Variants in MPP4 observed in about 807,000 individuals in gnomAD.
The protein encoded by MPP4 is MAGUK p55 scaffold protein 4.
Under a neutral mutation model 98.3 loss-of-function variants are expected in MPP4, and 91 were observed. That is an observed-to-expected ratio of 0.93 (90% CI 0.78 to 1.10). The LOEUF (loss-of-function observed/expected upper bound fraction) is 1.10. Ranked by LOEUF, MPP4 falls within the 50% of genes least tolerant of loss-of-function variation. The probability of loss-of-function intolerance (pLI) is 0.00; values close to 1 mark genes in which losing one functional copy is unlikely to be tolerated. For synonymous variants in MPP4, 261 were observed against 271.8 expected, an observed-to-expected ratio of 0.96 and a Z score of 0.39; for missense variants, 744 against 792.9, an observed-to-expected ratio of 0.94 and a Z score of 0.74.
Position 201,656,347 on chromosome 2 carries a change from C to G in MPP4, c.1151G>C (p.Arg384Pro), listed in dbSNP as rs746059241. 2.6e-6 allele frequency: 4 copies of G among 1,552,572 alleles called. No homozygotes were observed. In the African/African-American group the frequency reaches 4.1e-5, roughly 16 times the overall value. The change falls in exon 17 of 22, where the codon CGC (arginine) becomes CCC (proline). Residue 384 changes from arginine (R) to proline (P), a missense_variant. By Grantham distance (103) the Arg-to-Pro change is moderately radical. Coordinates refer to ENST00000409474, the MANE Select transcript of MPP4 (RefSeq NM_033066.3). ...FFIAGFRRSM[R>P]LCRRKSHLSP... ...GAGGTGAGACTTCCTGCGACAAAGG[C>G]GCATGCTGCGGCGGAAGCCAGCTAG...
At chr2:201,681,593 T>C in intron 8 of MPP4, 26 bp from the exon 9 acceptor site, 2 of 1,589,966 alleles carry the variant, frequency 1.3e-6, no homozygotes, top group Non-Finnish European at 1.7e-6. Flanking sequence ...GGAGAAAGGA[T>C]GACAATCATG....
intron 13 of MPP4, chr2:201,665,686 TA>T (rs1428615647): frequency 6.6e-6 from 1 of 152,208 alleles, no homozygotes. Context: ...CCCACTGTTT[TA>T]AAATTTTACA....
At chr2:201,689,074 T>G (rs1177707474) in intron 4 of MPP4, among the ~76,000 whole-genome samples, 2 of 151,928 alleles carry the variant, frequency 1.3e-5, no homozygotes, top group African/African-American at 4.8e-5. Flanking sequence ...ACACCTGTAA[T>G]CCCAGCACTT....
At chr2:201,655,197 T>C (rs1687817740) in intron 17 of MPP4, among the ~76,000 whole-genome samples, 1 of 152,178 alleles carries the variant, frequency 6.6e-6, no homozygotes, top group South Asian at 2.1e-4. Flanking sequence ...TTGAATGCCA[T>C]GAGAATTAGC....
At chr2:201,674,479 C>A (rs1688443472) in intron 11 of MPP4, among the ~76,000 whole-genome samples, 1 of 149,934 alleles carries the variant, frequency 6.7e-6, no homozygotes, top group South Asian at 2.1e-4. Flanking sequence ...CAGGCTCTCC[C>A]AGGATGCACA....
rs369014677 is a variant in MPP4, at chr2:201,656,313, C to A, written c.1185G>T (p.Leu395=). 13 of 1,564,290 alleles carry A rather than the reference C, an allele frequency of 8.3e-6. No homozygotes were observed. Among genetic ancestry groups the A allele is most frequent in the Admixed American group, 1.9e-5 (1 of 52,294 alleles). Residue 395 remains leucine (L), a synonymous_variant, in exon 17 of 22, where the codon CTG becomes CTT. Coordinates refer to ENST00000409474, the MANE Select transcript of MPP4 (RefSeq NM_033066.3). ...TGCCGGTGCAGCACACACTGGCATGCAGCGGGCTGAGGTGAGACTTCCTGC... is the reference window on the plus strand; with the variant it reads ...TGCCGGTGCAGCACACACTGGCATGAAGCGGGCTGAGGTGAGACTTCCTGC... The part of the protein sequence containing the change: ...LCRRKSHLSP[L]HASVCCTGSC...
chr2:201,675,125 A>ATGAC, intron 11 of MPP4, 82 bp downstream of exon 11: 1 of 1,421,048 alleles, frequency 7.0e-7, no homozygotes, highest in South Asian at 1.2e-5. Context: ...CCAGCCTCAC[A>ATGAC]TCAATTAGAC....
intron 8 of MPP4, among the ~76,000 whole-genome samples, chr2:201,682,185 G>T (rs1399203020): frequency 1.3e-5 from 2 of 152,182 alleles, no homozygotes; most frequent in African/African-American, 2.4e-5. Flanking sequence ...ATCACAGCTG[G>T]CACCAGGGGG....
intron 9 of MPP4, 116 bp downstream of exon 9, chr2:201,681,380 C>T: frequency 1.1e-6 from 1 of 875,270 alleles, no homozygotes; most frequent in Non-Finnish European, 1.8e-6. Context: ...ATATCCAACA[C>T]AGTCTTGAAT....
chr2:201,651,893 T>C, intron 18 of MPP4: 1 of 461,684 alleles, frequency 2.2e-6, no homozygotes, highest in Non-Finnish European at 2.8e-6. Flanking sequence ...GGTGAGGTTG[T>C]AGTGAGCCGA....
chr2:201,661,485 C>G (rs371133295), intron 14 of MPP4: 10 of 456,514 alleles, frequency 2.2e-5, no homozygotes, highest in African/African-American at 2.0e-5. Flanking sequence ...CAGAACGTAT[C>G]GATGCTTGAG....
chr2:201,691,582 A>G (rs1689028127), intron 3 of MPP4, among the ~76,000 whole-genome samples: 2 of 152,190 alleles, frequency 1.3e-5, no homozygotes, highest in South Asian at 4.1e-4. Context: ...CAGTGGCTCA[A>G]TCTTGGCTCA....
intron 11 of MPP4, among the ~76,000 whole-genome samples, chr2:201,672,420 A>G (rs926856647): frequency 2.6e-5 from 4 of 152,210 alleles, no homozygotes; most frequent in Non-Finnish European, 4.4e-5. Context: ...AAGGAGACAG[A>G]GACACAAAAA....
intron 3 of MPP4, among the ~76,000 whole-genome samples, chr2:201,691,789 G>C (rs1689036136): frequency 6.6e-6 from 1 of 152,226 alleles, no homozygotes; most frequent in Non-Finnish European, 1.5e-5. Flanking sequence ...AAAATGTTGG[G>C]ATTACAGGCA....
chr2:201,680,502 G>T lies in MPP4; in HGVS notation c.929+336C>A, dbSNP rs75497947. On this transcript the variant is annotated intron_variant, in intron 10 of 21. Transcript: ENST00000409474. ...GCTCATGACCTAACCACCTGCTAAA[G>T]GCCCCGCCTCTTAATACTATTGCAT... 6.4e-3 allele frequency: 1,276 copies of T among 199,252 alleles called. 20 individuals are homozygous for T. Among genetic ancestry groups the T allele is most frequent in the African/African-American group, 0.028 (1,225 of 43,464 alleles). The allele number at this position is 199,252 out of a possible 1,614,324, so 12.3% of individuals were successfully genotyped here. A position where few individuals can be genotyped will look rare whatever the true frequency, so the allele number is the denominator to read the frequency against.
rs1245286550 is a variant in MPP4 at position 201,649,692 on chromosome 2, A to G, written c.1476-8T>C. The stretch of plus-strand genomic sequence containing the variant: ...TCACCATACTCCAGCATCCTGCAAG[A>G]GCAGGCCAAACAAAACAGAACACTT... On this transcript the variant is annotated splice_region_variant and splice_polypyrimidine_tract_variant and intron_variant, in intron 19 of 21. Coordinates refer to ENST00000409474, the MANE Select transcript of MPP4 (RefSeq NM_033066.3). 2 of 1,591,754 alleles carry G rather than the reference A, an allele frequency of 1.3e-6. No homozygotes were observed. Among genetic ancestry groups the G allele is most frequent in the Non-Finnish European group, 1.7e-6 (2 of 1,164,020 alleles).
chr2:201,674,864 T>C (rs1208407382), intron 11 of MPP4, among the ~76,000 whole-genome samples: 1 of 152,144 alleles, frequency 6.6e-6, no homozygotes, highest in East Asian at 1.9e-4. Flanking sequence ...GTTTTTTGCA[T>C]GTCTGACACC....
chr2:201,685,134 G>A lies in MPP4; in HGVS notation c.504C>T (p.Ile168=). The A allele has an allele frequency of 6.2e-7, 1 of 1,610,674 alleles. No individual in the cohort carries two copies. Among genetic ancestry groups the A allele is most frequent in the Non-Finnish European group, 8.5e-7 (1 of 1,178,652 alleles). Residue 168 remains isoleucine (I), a synonymous_variant, in exon 7 of 22, where the codon ATC becomes ATT. Coordinates refer to ENST00000409474, the MANE Select transcript of MPP4 (RefSeq NM_033066.3). The part of the protein sequence containing the change: ...VKNQQPLGAT[I]KRHEMTGDIL... Reference sequence around the variant, plus strand: ...TGTCCCCTGTCATCTCGTGGCGCTTGATGGTGGCTCCCTGAAGAGAGAATA... The same window carrying A: ...TGTCCCCTGTCATCTCGTGGCGCTTAATGGTGGCTCCCTGAAGAGAGAATA...
At chr2:201,680,629 T>A (rs1397245267) in intron 10 of MPP4, 2 of 515,296 alleles carry the variant, frequency 3.9e-6, no homozygotes, top group Non-Finnish European at 6.8e-6. Context: ...TTCCCTGTTT[T>A]CTAGCTGATA....
Sources: allele counts gnomAD v4.1 joint callset (sites outside exome capture counted in the v4.1 genomes callset), GRCh38; gene constraint gnomAD v4.1.1; transcripts MANE v1.5; gene names NCBI Gene and HGNC (gene_info 2026-07-23, HGNC 2026-07-21).